RIT2: variants seen among roughly 807,000 people sequenced by gnomAD.
RIT2 encodes GTP-binding protein Rit2.
Under a neutral mutation model 23.7 loss-of-function variants are expected in RIT2, and 24 were observed. That is an observed-to-expected ratio of 1.01 (90% CI 0.73 to 1.43). The LOEUF (loss-of-function observed/expected upper bound fraction) is 1.43. Among genes scored for constraint, RIT2 ranks in the 40% most tolerant of loss-of-function variants. RIT2 has a pLI of 0.00. For synonymous variants in RIT2, 107 were observed against 91.1 expected, an observed-to-expected ratio of 1.17 and a Z score of -0.99; for missense variants, 236 against 266.9, an observed-to-expected ratio of 0.88 and a Z score of 0.81.
intron 1 of RIT2, among the ~76,000 whole-genome samples, chr18:43,051,534 G>A (rs894294568): frequency 6.6e-6 from 1 of 152,056 alleles, no homozygotes. Flanking sequence ...GGCTTATAAT[G>A]AAAGACATTC....
At chr18:42,952,636 G>C (rs899192339) in intron 3 of RIT2, among the ~76,000 whole-genome samples, 1 of 151,994 alleles carries the variant, frequency 6.6e-6, no homozygotes, top group East Asian at 1.9e-4. Flanking sequence ...GATGTATACT[G>C]TACAGCCGTT....
intron 4 of RIT2, among the ~76,000 whole-genome samples, chr18:42,800,216 T>G (rs927172396): frequency 6.6e-6 from 1 of 152,242 alleles, no homozygotes; most frequent in African/African-American, 2.4e-5. Context: ...CTTATGTTGC[T>G]TCTTTGGAAC....
intron 1 of RIT2, among the ~76,000 whole-genome samples, chr18:43,093,407 C>T (rs558161250): frequency 6.6e-6 from 1 of 152,148 alleles, no homozygotes; most frequent in South Asian, 2.1e-4. Flanking sequence ...AAAAATCACA[C>T]TTACTTCAGC....
chr18:42,844,398 G>A (rs538314584), intron 4 of RIT2, among the ~76,000 whole-genome samples: 5 of 152,256 alleles, frequency 3.3e-5, no homozygotes, highest in Non-Finnish European at 5.9e-5. Context: ...GAAGAATGAG[G>A]TCACATAGAC....
At chr18:43,070,064 C>T (rs1323945358) in intron 1 of RIT2, among the ~76,000 whole-genome samples, 1 of 151,998 alleles carries the variant, frequency 6.6e-6, no homozygotes, top group African/African-American at 2.4e-5. Context: ...AGTATATATG[C>T]CAAATGAATG....
At chr18:42,787,101 G>T (rs1913939249) in intron 4 of RIT2, among the ~76,000 whole-genome samples, 1 of 151,508 alleles carries the variant, frequency 6.6e-6, no homozygotes, top group Admixed American at 6.6e-5. Context: ...AATATAATAG[G>T]TATATCTCCT....
chr18:42,923,776 A>C lies in RIT2; in HGVS notation c.235-13T>G. The C allele has an allele frequency of 3.2e-6, 5 of 1,581,572 alleles. No individual in the cohort carries two copies. Among genetic ancestry groups the C allele is most frequent in the Non-Finnish European group, 4.3e-6 (5 of 1,169,222 alleles). The stretch of plus-strand genomic sequence containing the variant: ...CTGTGAATTCTGCCTGCAGGAAAAA[A>C]AAAAAAAAATTAGTTATGGGCTTTC... On this transcript the variant is annotated splice_polypyrimidine_tract_variant and intron_variant, in intron 3 of 4. Coordinates refer to ENST00000326695, the MANE Select transcript of RIT2 (RefSeq NM_002930.4).
intron 1 of RIT2, among the ~76,000 whole-genome samples, chr18:43,074,230 T>G (rs1238379564): frequency 6.6e-6 from 1 of 152,202 alleles, no homozygotes; most frequent in Admixed American, 6.5e-5. Flanking sequence ...AATTTTGCAA[T>G]TAAACCACCC....
At chr18:42,876,279 A>AT (rs1278480976) in intron 4 of RIT2, among the ~76,000 whole-genome samples, 1 of 151,698 alleles carries the variant, frequency 6.6e-6, no homozygotes, top group Non-Finnish European at 1.5e-5. Flanking sequence ...CAGTGAAGAT[A>AT]TTTTTACCAC....
chr18:42,955,460 C>T (rs1037902419), intron 3 of RIT2, among the ~76,000 whole-genome samples: 1 of 152,172 alleles, frequency 6.6e-6, no homozygotes, highest in Non-Finnish European at 1.5e-5. Flanking sequence ...CCAACACTCT[C>T]TCCACTTAAG....
In RIT2 at chr18:43,057,454, G is replaced by A. The variant is rs28636549; in HGVS notation, c.104-23587C>T. ...CTACATACTTTCTTAATATTACTTC[G>A]CTTTGAAAAAGGACAAGCTTCTATT... On this transcript the variant is annotated intron_variant, in intron 1 of 4. Transcript: ENST00000326695. 3.9e-3 allele frequency among the ~76,000 whole-genome samples: 600 copies of A among 152,130 alleles called. 3 individuals carry two copies. Among genetic ancestry groups the A allele is most frequent in the African/African-American group, 0.014 (571 of 41,528 alleles).
At chr18:42,851,265 T>C (rs747668641) in intron 4 of RIT2, among the ~76,000 whole-genome samples, 4 of 152,254 alleles carry the variant, frequency 2.6e-5, no homozygotes, top group Admixed American at 6.5e-5. Flanking sequence ...CTTATCATTT[T>C]AAATGTAACT....
chr18:42,825,862 T>C (rs937785833), intron 4 of RIT2, among the ~76,000 whole-genome samples: 1 of 151,942 alleles, frequency 6.6e-6, no homozygotes, highest in African/African-American at 2.4e-5. Flanking sequence ...CCTTTCACTC[T>C]TTTTCAGCTA....
chr18:42,805,871 T>C (rs1361284454), intron 4 of RIT2, among the ~76,000 whole-genome samples: 1 of 152,056 alleles, frequency 6.6e-6, no homozygotes, highest in Non-Finnish European at 1.5e-5. Flanking sequence ...TTTAATACAA[T>C]TTTGAGAAAT....
intron 2 of RIT2, among the ~76,000 whole-genome samples, chr18:42,984,659 G>C (rs77029110): frequency 1.3e-5 from 2 of 151,574 alleles, no homozygotes; most frequent in African/African-American, 4.9e-5. Context: ...ATAATTCCAC[G>C]TGAAATTATA....
intron 2 of RIT2, among the ~76,000 whole-genome samples, chr18:43,030,185 T>C (rs1046488179): frequency 5.3e-5 from 8 of 152,098 alleles, no homozygotes; most frequent in African/African-American, 1.9e-4. Context: ...ATTAGTGATA[T>C]TAAAAATATT....
intron 3 of RIT2, among the ~76,000 whole-genome samples, chr18:42,938,008 A>C (rs1909504429): frequency 6.6e-6 from 1 of 152,176 alleles, no homozygotes; most frequent in African/African-American, 2.4e-5. Flanking sequence ...AGGAAACTTC[A>C]GCCTGAGGCA....
intron 4 of RIT2, among the ~76,000 whole-genome samples, chr18:42,838,282 A>C (rs1415246041): frequency 6.6e-6 from 1 of 152,156 alleles, no homozygotes; most frequent in African/African-American, 2.4e-5. Flanking sequence ...TTCAAGAAAT[A>C]GCCCTTCTAC....
chr18:42,901,491 A>T (rs1034988553), intron 4 of RIT2, among the ~76,000 whole-genome samples: 3 of 152,060 alleles, frequency 2.0e-5, no homozygotes, highest in African/African-American at 7.2e-5. Context: ...GCTTGCAAGC[A>T]AAAATTAGAA....
Sources: gnomAD v4.1 joint callset for allele counts (sites outside exome capture counted in the v4.1 genomes callset) on GRCh38, gnomAD v4.1.1 for gene constraint, MANE v1.5 for transcripts, NCBI Gene and HGNC (gene_info 2026-07-23, HGNC 2026-07-21) for gene names.